Variants in MROH1 observed in about 807,000 individuals in gnomAD.
MROH1 encodes maestro heat like repeat family member 1.
MROH1 carries 117 observed loss-of-function variants against 116.5 expected under a neutral mutation model. That is an observed-to-expected ratio of 1.00 (90% confidence interval 0.86 to 1.17). MROH1 has a LOEUF of 1.17. Ranked by LOEUF, MROH1 falls within the 50% of genes most tolerant of loss-of-function variation. The pLI is 0.00. For missense variants in MROH1, 1,873 were observed against 1,338.5 expected (o/e 1.40, Z -6.23); for synonymous variants, 921 against 583.9 (o/e 1.58, Z -8.32).
intron 12 of MROH1, among the ~76,000 whole-genome samples, chr8:144,204,122 T>C (rs1285929067): frequency 3.2e-4 from 49 of 152,212 alleles, no homozygotes; most frequent in Admixed American, 3.2e-3. Context: ...ATTTTTTGTT[T>C]TGTTTTGAGA....
chr8:144,175,772 C>T (rs1276393838), intron 4 of MROH1, among the ~76,000 whole-genome samples: 4 of 152,034 alleles, frequency 2.6e-5, no homozygotes, highest in South Asian at 2.1e-4. Context: ...TAAAATATGC[C>T]GGGCTCGGTG....
At chr8:144,225,073 CT>C (rs1197488826) in intron 14 of MROH1, among the ~76,000 whole-genome samples, 1 of 151,902 alleles carries the variant, frequency 6.6e-6, no homozygotes, top group Non-Finnish European at 1.5e-5. Context: ...AGGTCTCACT[CT>C]GTTGCCAAGG....
chr8:144,161,740 G>T (rs117412452), intron 2 of MROH1, among the ~76,000 whole-genome samples: 1 of 152,260 alleles, frequency 6.6e-6, no homozygotes, highest in African/African-American at 2.4e-5. Flanking sequence ...TTGGGTGAGC[G>T]TGGCTGCTGC....
intron 14 of MROH1, among the ~76,000 whole-genome samples, chr8:144,232,122 C>T (rs1272357833): frequency 6.6e-6 from 1 of 151,970 alleles, no homozygotes; most frequent in African/African-American, 2.4e-5. Context: ...CTATAGTCAC[C>T]CTACTGATCT....
intron 7 of MROH1, among the ~76,000 whole-genome samples, chr8:144,189,807 G>A (rs1828108748): frequency 6.6e-6 from 1 of 152,230 alleles, no homozygotes; most frequent in South Asian, 2.1e-4. Flanking sequence ...GTGAGGATGG[G>A]TGGGCGTGGC....
In MROH1 at chr8:144,261,212, C is replaced by T; in HGVS notation, c.4770C>T (p.Phe1590=). The T allele has an allele frequency of 1.3e-6, 1 of 764,028 alleles. No individual in the cohort carries two copies. The highest frequency in any genetic ancestry group is 2.4e-5 in the East Asian group (1 of 41,228). The allele number at this position is 764,028 out of a possible 1,614,324, so 47.3% of individuals were successfully genotyped here. A position where few individuals can be genotyped will look rare whatever the true frequency, so the allele number is the denominator to read the frequency against. ...ACGTCCGAGCTGCTGCACCCCTGTT[C>T]ACCGGTAAGCACCACCCCCTGCCCC... ...WENVRAAAPL[F]TGFLVLHSEP... Residue 1590 remains phenylalanine (F), a synonymous_variant, in exon 42 of 44, where the codon TTC becomes TTT. Transcript: ENST00000326134.
intron 12 of MROH1, among the ~76,000 whole-genome samples, chr8:144,217,973 C>A (rs191992453): frequency 6.8e-6 from 1 of 147,078 alleles, no homozygotes; most frequent in East Asian, 2.0e-4. Flanking sequence ...GCTGCGTTAG[C>A]GGCCCAGGAT....
chr8:144,239,841 T>C (rs1017996377), intron 18 of MROH1, 86 bp downstream of exon 18: 9 of 699,020 alleles, frequency 1.3e-5, no homozygotes, highest in African/African-American at 3.5e-5. Context: ...ACCCCACCTT[T>C]GCCAAGTGGC....
intron 1 of MROH1, among the ~76,000 whole-genome samples, chr8:144,154,821 C>T (rs1050471532): frequency 1.3e-5 from 2 of 151,774 alleles, no homozygotes; most frequent in African/African-American, 2.4e-5. Flanking sequence ...TGCGCTACCA[C>T]GCCCAGCTAC....
intron 1 of MROH1, among the ~76,000 whole-genome samples, chr8:144,156,597 T>C (rs1818152489): frequency 6.8e-6 from 1 of 147,932 alleles, no homozygotes; most frequent in South Asian, 2.2e-4. Context: ...TAGTCCCATC[T>C]ACTCAGGAGG....
chr8:144,241,217 T>A lies in MROH1; in HGVS notation c.2055+106T>A, dbSNP rs1840917644. The stretch of plus-strand genomic sequence containing the variant: ...GCTAGCCTGTGTGCCTGTGTGTGCG[T>A]GTGTGCATACACAGGTGGTGTGCGT... On this transcript the variant is annotated intron_variant, in intron 21 of 43. Coordinates refer to ENST00000326134, the MANE Select transcript of MROH1 (RefSeq NM_032450.3). The A allele has an allele frequency of 5.7e-6, 4 of 701,090 alleles. No homozygotes were observed. The Admixed American group carries it at 8.1e-5, about 14-fold the overall frequency. The allele number at this position is 701,090 out of a possible 1,614,324, so 43.4% of individuals were successfully genotyped here.
rs909660423 is a variant in MROH1 at position 144,255,496 on chromosome 8, A to G, written c.3595-13A>G. 4 of 778,092 alleles carry G rather than the reference A, an allele frequency of 5.1e-6. No individual in the cohort carries two copies. The highest frequency in any genetic ancestry group is 2.4e-5 in the East Asian group (1 of 41,210). The allele number at this position is 778,092 out of a possible 1,614,324, so 48.2% of individuals were successfully genotyped here. A position where few individuals can be genotyped will look rare whatever the true frequency, so the allele number is the denominator to read the frequency against. On this transcript the variant is annotated splice_polypyrimidine_tract_variant and intron_variant, in intron 34 of 43. Coordinates refer to ENST00000326134, the MANE Select transcript of MROH1 (RefSeq NM_032450.3). ...TGGAGGGAGGCATGGCCCTGTGATGACTTCTCCCCCAGGCTACCTGTGCAC... is the reference window on the plus strand; with the variant it reads ...TGGAGGGAGGCATGGCCCTGTGATGGCTTCTCCCCCAGGCTACCTGTGCAC...
chr8:144,185,663 A>G (rs868810671), intron 7 of MROH1, among the ~76,000 whole-genome samples: 7 of 38,262 alleles, frequency 1.8e-4, no homozygotes, highest in Admixed American at 2.9e-4. Flanking sequence ...GGGGCGGCGC[A>G]GGGACCTCGA....
chr8:144,199,872 G>C (rs1399326032), intron 11 of MROH1, among the ~76,000 whole-genome samples: 1 of 152,208 alleles, frequency 6.6e-6, no homozygotes, highest in East Asian at 1.9e-4. Context: ...GCTGGGGGCA[G>C]GGTTGTGGTG....
intron 12 of MROH1, among the ~76,000 whole-genome samples, chr8:144,212,647 T>G (rs147065456): frequency 7.3e-6 from 1 of 137,238 alleles, no homozygotes; most frequent in East Asian, 2.3e-4. Flanking sequence ...TGGAGTGCAG[T>G]GGTGGGATCA....
At position 144,259,255 on chromosome 8, in the gene MROH1, C is replaced by T. The variant is rs1844508296; in HGVS notation, c.3945C>T (p.His1315=). Residue 1315 remains histidine, a synonymous_variant, in exon 37 of 44, where the codon CAC becomes CAT. Coordinates refer to ENST00000326134, the MANE Select transcript of MROH1 (RefSeq NM_032450.3). ...ATRLARAMAE[H]AGPRLPLVLK... ...CCTTTCCCAGGGCCATGGCTGAGCA[C>T]GCAGGGCCCCGACTCCCCCTGGTGC... 5.6e-6 allele frequency: 4 copies of T among 714,178 alleles called. No homozygotes were observed. The highest frequency in any genetic ancestry group is 3.0e-5 in the South Asian group (2 of 67,518). 44.2% of individuals were successfully genotyped at this position (714,178 alleles called of 1,614,324 possible).
chr8:144,159,768 T>TA (rs1438407277), intron 1 of MROH1, among the ~76,000 whole-genome samples: 3 of 148,080 alleles, frequency 2.0e-5, no homozygotes, highest in Admixed American at 2.0e-4. Flanking sequence ...CCTGGTAATT[T>TA]TTTTTTTTTT....
At chr8:144,232,907 G>A (rs757373342) in intron 14 of MROH1, among the ~76,000 whole-genome samples, 4 of 151,536 alleles carry the variant, frequency 2.6e-5, no homozygotes, top group Non-Finnish European at 5.9e-5. Context: ...GCTTACTGCA[G>A]CCTCAACCTC....
At chr8:144,227,782 T>A (rs1838078027) in intron 14 of MROH1, among the ~76,000 whole-genome samples, 1 of 151,552 alleles carries the variant, frequency 6.6e-6, no homozygotes, top group South Asian at 2.1e-4. Context: ...AGACCTTATC[T>A]CTACAAATAA....
Sources: allele counts gnomAD v4.1 joint callset (sites outside exome capture counted in the v4.1 genomes callset), GRCh38; gene constraint gnomAD v4.1.1; transcripts MANE v1.5; gene names NCBI Gene and HGNC (gene_info 2026-07-23, HGNC 2026-07-21).